Variants in WDFY4 observed in about 807,000 individuals in gnomAD.
The protein encoded by WDFY4 is WDFY family member 4.
In WDFY4, 169 loss-of-function variants were observed where a neutral mutation model predicts 351.9. That is an observed-to-expected ratio of 0.48 (90% confidence interval 0.42 to 0.55). The LOEUF is 0.55. WDFY4 is among the 20% of genes least tolerant of loss of function. WDFY4 has a pLI of 0.00. For missense variants in WDFY4, 3,803 were observed against 3,935.6 expected (o/e 0.97, Z 0.90); for synonymous variants, 1,622 against 1,574.6 (o/e 1.03, Z -0.71).
intron 2 of WDFY4, among the ~76,000 whole-genome samples, chr10:48,713,485 T>G (rs1418138946): frequency 2.0e-5 from 3 of 152,244 alleles, no homozygotes; most frequent in African/African-American, 7.2e-5. Flanking sequence ...GGGCTTGGTT[T>G]GTGGTACAGT....
chr10:48,911,790 A>G (rs1344531421), intron 47 of WDFY4, among the ~76,000 whole-genome samples: 1 of 152,244 alleles, frequency 6.6e-6, no homozygotes, highest in Admixed American at 6.5e-5. Flanking sequence ...TGTTACTTCT[A>G]CAATGAAAAA....
At chr10:48,787,887 TCTTCTCCTTCTTCTTCTTCTTC>T (rs2066490519) in intron 20 of WDFY4, among the ~76,000 whole-genome samples, 3 of 78,716 alleles carry the variant, frequency 3.8e-5, no homozygotes, top group African/African-American at 2.6e-4. Context: ...TCTTTCTTCT[TCTTCTCCTTCTTCTTCTTCTTC>T]TTCTTCTTCT....
chr10:48,825,700 T>A (rs930975438), intron 35 of WDFY4, among the ~76,000 whole-genome samples: 38 of 150,418 alleles, frequency 2.5e-4, no homozygotes, highest in Non-Finnish European at 5.0e-4. Flanking sequence ...ATTTCTTGAA[T>A]GATCAGTGAT....
At chr10:48,698,005 G>T (rs969651039) in intron 1 of WDFY4, among the ~76,000 whole-genome samples, 1 of 152,134 alleles carries the variant, frequency 6.6e-6, no homozygotes, top group African/African-American at 2.4e-5. Flanking sequence ...ATGCACATTT[G>T]TTCTCCTACG....
chr10:48,790,667 A>G, intron 22 of WDFY4, 60 bp from the exon 23 acceptor site: 1 of 1,518,678 alleles, frequency 6.6e-7, no homozygotes, highest in Middle Eastern at 1.7e-4. Context: ...GCTGTCGGGG[A>G]ATTTCCCATT....
At chr10:48,821,225 C>G in intron 34 of WDFY4, 49 bp downstream of exon 34, 1 of 1,431,694 alleles carries the variant, frequency 7.0e-7, no homozygotes, top group Non-Finnish European at 9.6e-7. Flanking sequence ...AGGCTGCTGA[C>G]AGTGGAGAGG....
Position 48,720,087 on chromosome 10 carries a change from C to T in WDFY4, c.311C>T (p.Ala104Val). The T allele has an allele frequency of 6.4e-7, 1 of 1,551,830 alleles. No individual in the cohort carries two copies. Among genetic ancestry groups the T allele is most frequent in the Non-Finnish European group, 8.7e-7 (1 of 1,147,016 alleles). ...RLAEDVSDQL[A>V]QQLQKALVGK... Reference sequence around the variant, plus strand: ...GCTGAAGACGTGTCTGACCAGCTTGCCCAGCAACTCCAGAAGGCCCTTGTG... The same window carrying T: ...GCTGAAGACGTGTCTGACCAGCTTGTCCAGCAACTCCAGAAGGCCCTTGTG... Residue 104 changes from alanine (A) to valine (V), a missense_variant, in exon 3 of 62, where the codon GCC (alanine) becomes GTC (valine). Transcript: ENST00000325239.
rs773905881 is a variant in WDFY4 at position 48,832,598 on chromosome 10, T to A, written c.6552T>A (p.Ser2184Arg). Residue 2184 changes from serine (S) to arginine (R), a missense_variant, in exon 39 of 62, where the codon AGT (serine) becomes AGA (arginine). By Grantham distance (110) the Ser-to-Arg change is moderately radical. Coordinates refer to ENST00000325239, the MANE Select transcript of WDFY4 (RefSeq NM_001394531.1). ...YLASEKKSLA[S>R]RSNVAHHSKV... ...CATCTGAGAAGAAGTCACTGGCAAG[T>A]CGTTCAAATGTTGCACACCACAGCA... The A allele has an allele frequency of 4.5e-6, 7 of 1,548,076 alleles. No individual in the cohort carries two copies. The highest frequency in any genetic ancestry group is 1.4e-5 in the African/African-American group (1 of 72,978).
intron 39 of WDFY4, among the ~76,000 whole-genome samples, chr10:48,856,699 G>T (rs1349584345): frequency 6.6e-6 from 1 of 152,094 alleles, no homozygotes; most frequent in Non-Finnish European, 1.5e-5. Context: ...GATCTATCTT[G>T]CACTTTGAGT....
rs757757564 is a variant in WDFY4 at position 48,727,597 on chromosome 10, G to C, written c.909G>C (p.Ser303=). 1 of 1,551,984 alleles carries C rather than the reference G, an allele frequency of 6.4e-7. No individual in the cohort carries two copies. The highest frequency in any genetic ancestry group is 8.7e-7 in the Non-Finnish European group (1 of 1,147,042). Residue 303 remains serine (S), a synonymous_variant, in exon 7 of 62, where the codon TCG becomes TCC. Coordinates refer to ENST00000325239, the MANE Select transcript of WDFY4 (RefSeq NM_001394531.1). ...GFVKDSYPVS[S]ALFLEFENSE... is the part of the protein sequence containing the mutation. ...TGAAGGACTCCTACCCCGTCTCCTC[G>C]GCTCTGTTCCTGGAGTTTGAGAATT...
chr10:48,885,078 T>C (rs1036648847), intron 43 of WDFY4, among the ~76,000 whole-genome samples: 2 of 152,184 alleles, frequency 1.3e-5, no homozygotes, highest in African/African-American at 2.4e-5. Flanking sequence ...CTTTTTTTTT[T>C]CTTAGCCTAG....
chr10:48,810,440 G>A (rs772019138), intron 28 of WDFY4, 90 bp from the exon 29 acceptor site: 11 of 1,279,932 alleles, frequency 8.6e-6, no homozygotes, highest in African/African-American at 4.5e-5. Flanking sequence ...CCTCTCCTTG[G>A]TGACTTGTAA....
At chr10:48,733,769 T>A (rs2064550280) in intron 9 of WDFY4, among the ~76,000 whole-genome samples, 162 bp from the exon 10 acceptor site, 1 of 152,168 alleles carries the variant, frequency 6.6e-6, no homozygotes, top group African/African-American at 2.4e-5. Flanking sequence ...ACCCCTGCTG[T>A]AGGGGTAACA....
At chr10:48,901,777 A>G in intron 46 of WDFY4, 24 bp from the exon 47 acceptor site, 3 of 1,550,406 alleles carry the variant, frequency 1.9e-6, no homozygotes, top group Non-Finnish European at 2.6e-6. Flanking sequence ...TGCTGATGGA[A>G]TTATCCCTTC....
intron 47 of WDFY4, among the ~76,000 whole-genome samples, chr10:48,941,265 T>C (rs1018008989): frequency 6.6e-6 from 1 of 152,126 alleles, no homozygotes; most frequent in African/African-American, 2.4e-5. Flanking sequence ...CCATGTATGA[T>C]TGAAGTTTTT....
chr10:48,768,685 G>A (rs1278578761), intron 13 of WDFY4, among the ~76,000 whole-genome samples: 10 of 151,348 alleles, frequency 6.6e-5, no homozygotes, highest in African/African-American at 2.4e-4. Flanking sequence ...GTCACGGGTC[G>A]AGCAGCCACC....
At chr10:48,690,178 A>AC (rs1332153607) in intron 1 of WDFY4, among the ~76,000 whole-genome samples, 2 of 152,228 alleles carry the variant, frequency 1.3e-5, no homozygotes, top group Non-Finnish European at 2.9e-5. Context: ...ATTGCCCATG[A>AC]CAGCAGTGGA....
Position 48,732,910 on chromosome 10 carries a change from G to A in WDFY4, c.1583-1021G>A, listed in dbSNP as rs1181959640. On this transcript the variant is annotated intron_variant, in intron 9 of 61. Coordinates refer to ENST00000325239, the MANE Select transcript of WDFY4 (RefSeq NM_001394531.1). The stretch of plus-strand genomic sequence containing the variant: ...ATAGGATCAGGACTGCGAAGGATGA[G>A]CCCAAGGGATGGTTTTTGTGTCTGG... Among the ~76,000 whole-genome samples the A allele has an allele frequency of 2.0e-5, 3 of 152,218 alleles. No individual in the cohort carries two copies. The South Asian group carries it at 6.2e-4, about 32-fold the overall frequency.
chr10:48,852,721 A>G (rs1046413892), intron 39 of WDFY4, among the ~76,000 whole-genome samples: 2 of 152,050 alleles, frequency 1.3e-5, no homozygotes, highest in Admixed American at 6.5e-5. Flanking sequence ...AGCCCTCCCT[A>G]CAAGCTCCTG....
Sources: allele counts gnomAD v4.1 joint callset (sites outside exome capture counted in the v4.1 genomes callset), GRCh38; gene constraint gnomAD v4.1.1; transcripts MANE v1.5; gene names NCBI Gene and HGNC (gene_info 2026-07-23, HGNC 2026-07-21).